KCNIP4: variants seen among roughly 807,000 people sequenced by gnomAD.
KCNIP4 encodes Kv channel-interacting protein 4.
Under a neutral mutation model 34.0 loss-of-function variants are expected in KCNIP4, and 12 were observed. The observed-to-expected ratio is 0.35, with a 90% confidence interval of 0.23 to 0.57. The LOEUF (loss-of-function observed/expected upper bound fraction) is 0.57. Among genes scored for constraint, KCNIP4 ranks in the 20% least tolerant of loss-of-function variants. The pLI, the probability that KCNIP4 is intolerant of heterozygous loss-of-function variation, is 0.83. For missense variants in KCNIP4, 238 were observed against 311.7 expected, an observed-to-expected ratio of 0.76 and a Z score of 1.78; for synonymous variants, 124 against 102.2, an observed-to-expected ratio of 1.21 and a Z score of -1.29.
chr4:21,820,650 G>C (rs1204684093), intron 1 of KCNIP4, among the ~76,000 whole-genome samples: 1 of 151,984 alleles, frequency 6.6e-6, no homozygotes, highest in East Asian at 1.9e-4. Flanking sequence ...GAACTGGAAG[G>C]GGCTTTAGAA....
At chr4:20,730,511 T>G (rs1400827211) in intron 8 of KCNIP4, among the ~76,000 whole-genome samples, 1 of 152,172 alleles carries the variant, frequency 6.6e-6, no homozygotes, top group Non-Finnish European at 1.5e-5. Flanking sequence ...CACAGACTTT[T>G]ATACAGGTAC....
At chr4:21,499,330 CAAAA>C (rs527385773) in intron 1 of KCNIP4, among the ~76,000 whole-genome samples, 1 of 98,254 alleles carries the variant, frequency 1.0e-5, no homozygotes. Flanking sequence ...GACTCCATCT[CAAAA>C]AAAAAAAAAA....
chr4:21,597,686 CA>C (rs1291923239), intron 1 of KCNIP4, among the ~76,000 whole-genome samples: 1 of 152,068 alleles, frequency 6.6e-6, no homozygotes, highest in Non-Finnish European at 1.5e-5. Context: ...TGTATTCATT[CA>C]AAAAGAGTTG....
intron 1 of KCNIP4, among the ~76,000 whole-genome samples, chr4:21,776,848 C>T (rs537755848): frequency 3.2e-4 from 48 of 152,144 alleles, no homozygotes; most frequent in African/African-American, 1.0e-3. Context: ...TTTCAACCCC[C>T]GCCTCTCAGG....
chr4:21,766,371 T>C (rs1273761140), intron 1 of KCNIP4, among the ~76,000 whole-genome samples: 2 of 152,144 alleles, frequency 1.3e-5, no homozygotes, highest in Admixed American at 6.5e-5. Flanking sequence ...TCAAATAATT[T>C]GCACAAGGAT....
chr4:20,730,227 C>T, intron 8 of KCNIP4, 98 bp from the exon 9 acceptor site: 1 of 1,401,164 alleles, frequency 7.1e-7, no homozygotes, highest in South Asian at 1.6e-5. Flanking sequence ...TCAACCACCT[C>T]AACCACCTAT....
chr4:20,731,971 G>A (rs756194284), intron 8 of KCNIP4, 35 bp downstream of exon 8: 13 of 1,611,256 alleles, frequency 8.1e-6, no homozygotes, highest in African/African-American at 2.7e-5. Flanking sequence ...TGTTATGATA[G>A]CTGAATTGAT....
At chr4:20,789,646 G>A (rs1273944902) in intron 3 of KCNIP4, among the ~76,000 whole-genome samples, 1 of 151,834 alleles carries the variant, frequency 6.6e-6, no homozygotes, top group African/African-American at 2.4e-5. Flanking sequence ...ATTGAGGTTT[G>A]CCCTCTTTTG....
intron 5 of KCNIP4, among the ~76,000 whole-genome samples, chr4:20,739,368 C>G (rs780401037): frequency 1.3e-5 from 2 of 152,120 alleles, no homozygotes; most frequent in Non-Finnish European, 2.9e-5. Flanking sequence ...GCCAGGTGCC[C>G]CTCTAAGACA....
At chr4:21,595,994 G>A (rs1358581580) in intron 1 of KCNIP4, among the ~76,000 whole-genome samples, 1 of 152,066 alleles carries the variant, frequency 6.6e-6, no homozygotes, top group Non-Finnish European at 1.5e-5. Context: ...CAGAGAAAGT[G>A]TTGAGGATTG....
At chr4:21,457,590 C>A (rs899731401) in intron 1 of KCNIP4, among the ~76,000 whole-genome samples, 10 of 151,948 alleles carry the variant, frequency 6.6e-5, no homozygotes, top group African/African-American at 2.2e-4. Flanking sequence ...GAGGTGTAAG[C>A]AATGCAATAT....
intron 1 of KCNIP4, among the ~76,000 whole-genome samples, chr4:21,716,154 T>A (rs949057243): frequency 1.3e-5 from 2 of 152,178 alleles, no homozygotes; most frequent in African/African-American, 4.8e-5. Flanking sequence ...GCTTTGATGG[T>A]CAGACAGTTG....
At chr4:20,922,149 T>C (rs888083338) in intron 1 of KCNIP4, among the ~76,000 whole-genome samples, 1 of 152,180 alleles carries the variant, frequency 6.6e-6, no homozygotes, top group African/African-American at 2.4e-5. Flanking sequence ...TGGTTAACTT[T>C]ATATGTCAAC....
chr4:21,045,672 C>T (rs28454029), intron 1 of KCNIP4, among the ~76,000 whole-genome samples: 4,206 of 152,196 alleles, frequency 0.028, 168 homozygotes, highest in African/African-American at 0.095. Flanking sequence ...ACGGCTGATA[C>T]AAAGTCATAG....
chr4:21,432,251 C>T (rs1445737231), intron 1 of KCNIP4, among the ~76,000 whole-genome samples: 2 of 149,692 alleles, frequency 1.3e-5, no homozygotes, highest in African/African-American at 2.4e-5. Context: ...CCAAATAAAG[C>T]GAGGAAAAAT....
At chr4:21,466,974 T>A (rs1338057927) in intron 1 of KCNIP4, among the ~76,000 whole-genome samples, 3 of 151,932 alleles carry the variant, frequency 2.0e-5, no homozygotes, top group Non-Finnish European at 4.4e-5. Flanking sequence ...TCCTACAGCT[T>A]TTCAGAATGA....
chr4:21,248,253 A>G (rs866393423), intron 1 of KCNIP4, among the ~76,000 whole-genome samples: 22 of 151,730 alleles, frequency 1.4e-4, no homozygotes, highest in Middle Eastern at 6.8e-3. Flanking sequence ...TTTTTTTTCC[A>G]GAGACATCAA....
At chr4:21,469,401 C>A (rs997708471) in intron 1 of KCNIP4, among the ~76,000 whole-genome samples, 1 of 152,148 alleles carries the variant, frequency 6.6e-6, no homozygotes, top group African/African-American at 2.4e-5. Flanking sequence ...TCCTCTGAGA[C>A]TTCTTCCCAA....
intron 1 of KCNIP4, among the ~76,000 whole-genome samples, chr4:21,787,504 G>A (rs1247964393): frequency 6.6e-6 from 1 of 152,084 alleles, no homozygotes; most frequent in African/African-American, 2.4e-5. Flanking sequence ...AATGCTCTTT[G>A]TCATTTATTT....
Sources: gnomAD v4.1 joint callset for allele counts (sites outside exome capture counted in the v4.1 genomes callset) on GRCh38, gnomAD v4.1.1 for gene constraint, MANE v1.5 for transcripts, NCBI Gene and HGNC (gene_info 2026-07-23, HGNC 2026-07-21) for gene names.